RHOBTB1: variants seen among roughly 807,000 people sequenced by gnomAD.
RHOBTB1 encodes Rho related BTB domain containing 1, also known as rho-related BTB domain-containing protein 1.
Under a neutral mutation model 71.6 loss-of-function variants are expected in RHOBTB1, and 40 were observed. That is an observed-to-expected ratio of 0.56 (90% CI 0.43 to 0.73). The LOEUF is 0.73. Among genes scored for constraint, RHOBTB1 ranks in the 30% least tolerant of loss-of-function variants. RHOBTB1 has a pLI of 0.00. For missense variants in RHOBTB1, 797 were observed against 894.0 expected (o/e 0.89, Z 1.38); for synonymous variants, 319 against 334.9 (o/e 0.95, Z 0.52).
rs375183313 is a variant in RHOBTB1, at chr10:60,872,322, C to T, written c.1816-32G>A. Reference sequence around the variant, plus strand: ...AAAAGTGAGCAAAAGGAGGGTAAGACTATTTTCTAAAGAGGGGCTACAAAG... The same window carrying T: ...AAAAGTGAGCAAAAGGAGGGTAAGATTATTTTCTAAAGAGGGGCTACAAAG... On this transcript the variant is annotated intron_variant, in intron 9 of 10. Coordinates refer to ENST00000337910, the MANE Select transcript of RHOBTB1 (RefSeq NM_014836.5). 258 of 1,511,450 alleles carry T rather than the reference C, an allele frequency of 1.7e-4. No homozygotes were observed. In the African/African-American group the frequency reaches 3.3e-3, roughly 19 times the overall value. The allele number at this position is 1,511,450 out of a possible 1,614,324, so 93.6% of individuals were successfully genotyped here.
intron 1 of RHOBTB1, among the ~76,000 whole-genome samples, chr10:61,001,053 TG>T: frequency 6.6e-6 from 1 of 151,692 alleles, no homozygotes; most frequent in East Asian, 2.0e-4. Flanking sequence ...AGTGTGTGTG[TG>T]TGTGTGAGTG....
At chr10:60,907,080 T>C (rs375528564) in intron 4 of RHOBTB1, among the ~76,000 whole-genome samples, 21 of 152,258 alleles carry the variant, frequency 1.4e-4, no homozygotes, top group Admixed American at 3.9e-4. Context: ...CCTGCCACCA[T>C]GTAAGATGTG....
At chr10:60,862,033 C>T in the RHOBTB1 span, among the ~76,000 whole-genome samples, 1 of 152,076 alleles carries the variant, frequency 6.6e-6, no homozygotes, top group South Asian at 2.1e-4. Context: ...TCGGGTTCTA[C>T]ATGGGCTCTA....
intron 7 of RHOBTB1, among the ~76,000 whole-genome samples, chr10:60,883,653 G>C (rs1564785428): frequency 6.6e-6 from 1 of 152,172 alleles, no homozygotes; most frequent in Non-Finnish European, 1.5e-5. Context: ...TTACAAATTG[G>C]TGGCTACCCT....
intron 2 of RHOBTB1, among the ~76,000 whole-genome samples, chr10:60,968,744 T>C (rs1424415667): frequency 6.6e-5 from 10 of 152,132 alleles, no homozygotes; most frequent in African/African-American, 2.2e-4. Context: ...TAGACAAACA[T>C]CATTTCCTTT....
In RHOBTB1 at chr10:60,984,545, C is replaced by G. The variant is rs76099320; in HGVS notation, c.-62+1300G>C. 1.0e-2 allele frequency among the ~76,000 whole-genome samples: 1,521 copies of G among 152,126 alleles called. 32 individuals are homozygous for G. Among genetic ancestry groups the G allele is most frequent in the African/African-American group, 0.035 (1,456 of 41,518 alleles). On this transcript the variant is annotated intron_variant, in intron 2 of 11. Transcript: ENST00000357917. ...CAAATAGATTTAATTAACTGAAAACCCATAAGACAGAACTTCTTCAAATAA... is the reference window on the plus strand; with the variant it reads ...CAAATAGATTTAATTAACTGAAAACGCATAAGACAGAACTTCTTCAAATAA...
At chr10:60,879,803 A>AAC (rs778847569) in intron 7 of RHOBTB1, among the ~76,000 whole-genome samples, 2 of 151,554 alleles carry the variant, frequency 1.3e-5, no homozygotes, top group Non-Finnish European at 2.9e-5. Context: ...CTTGCACACA[A>AAC]ACACACACAC....
chr10:60,878,861 T>A (rs1230132166), intron 7 of RHOBTB1, among the ~76,000 whole-genome samples: 1 of 152,254 alleles, frequency 6.6e-6, no homozygotes, highest in Non-Finnish European at 1.5e-5. Context: ...AGATGTACAC[T>A]GCGTAGCAGC....
intron 1 of RHOBTB1, among the ~76,000 whole-genome samples, chr10:60,999,094 A>C (rs1275756230): frequency 6.6e-6 from 1 of 152,190 alleles, no homozygotes; most frequent in Non-Finnish European, 1.5e-5. Flanking sequence ...TTTTTCACCT[A>C]GTGCACTTTC....
chr10:60,872,066 T>C (rs2080816858), intron 10 of RHOBTB1, 119 bp downstream of exon 10: 1 of 779,336 alleles, frequency 1.3e-6, no homozygotes, highest in Non-Finnish European at 2.3e-6. Flanking sequence ...CACCAGCCAG[T>C]CTCGAGGAAT....
At chr10:60,925,817 G>A (rs1224159507) in intron 2 of RHOBTB1, among the ~76,000 whole-genome samples, 1 of 152,080 alleles carries the variant, frequency 6.6e-6, no homozygotes, top group African/African-American at 2.4e-5. Flanking sequence ...AGAAGAAATG[G>A]ACAAATTCCT....
chr10:60,936,594 G>A (rs947886789), intron 2 of RHOBTB1, among the ~76,000 whole-genome samples: 3 of 152,144 alleles, frequency 2.0e-5, no homozygotes, highest in African/African-American at 4.8e-5. Context: ...GAATTTCAGC[G>A]TAAGATATAG....
chr10:60,872,139 G>A lies in RHOBTB1; in HGVS notation c.1921+46C>T, dbSNP rs200598368. 6.0e-4 allele frequency: 815 copies of A among 1,355,278 alleles called. 5 individuals are homozygous for A. Among genetic ancestry groups the A allele is most frequent in the Non-Finnish European group, 8.4e-5 (79 of 944,002 alleles). 84.0% of individuals were successfully genotyped at this position (1,355,278 alleles called of 1,614,324 possible). ...GGACATAGAAGATAAAAGCTTCCATGAGAGGTGAGGAGAGCTGGATGAATG... is the reference window on the plus strand; with the variant it reads ...GGACATAGAAGATAAAAGCTTCCATAAGAGGTGAGGAGAGCTGGATGAATG... On this transcript the variant is annotated intron_variant, in intron 10 of 10. Coordinates refer to ENST00000337910, the MANE Select transcript of RHOBTB1 (RefSeq NM_014836.5).
chr10:60,967,034 A>G (rs1225374089), intron 2 of RHOBTB1, among the ~76,000 whole-genome samples: 1 of 151,996 alleles, frequency 6.6e-6, no homozygotes, highest in East Asian at 1.9e-4. Context: ...TGCTTTTGGG[A>G]AAAATAAAGC....
chr10:60,888,950 G>A lies in RHOBTB1; in HGVS notation c.718C>T (p.Pro240Ser). Residue 240 changes from proline (P) to serine (S), a missense_variant, in exon 6 of 11, where the codon CCA becomes TCA. Pro to Ser is a moderately conservative substitution (Grantham distance 74, BLOSUM62 -1). This residue lies in a region of RHOBTB1 where 658 missense variants were observed against 681.5 expected (regional missense o/e 0.97). Transcript: ENST00000337910. ...CACTCTGGAATTTTGATGACCGGTG[G>A]AGGGGCTTTTGGAGGTAGGAAGGGT... is the stretch of plus-strand genomic sequence containing the variant. ...QAPFLPPKAPPPVIKIPECPS... is the reference protein window; with the variant it reads ...QAPFLPPKAPSPVIKIPECPS... The A allele has an allele frequency of 6.2e-7, 1 of 1,614,176 alleles. No homozygotes were observed. The highest frequency in any genetic ancestry group is 8.5e-7 in the Non-Finnish European group (1 of 1,180,018).
At chr10:60,866,187 G>A (rs140357435), downstream of RHOBTB1, among the ~76,000 whole-genome samples, 4 of 152,236 alleles carry the variant, frequency 2.6e-5, no homozygotes, top group East Asian at 1.9e-4. Context: ...TCACTGTAGC[G>A]CCAAGGAATG....
In RHOBTB1 at chr10:60,953,467, A is replaced by G. The variant is rs551741128; in HGVS notation, c.-61-11613T>C. On this transcript the variant is annotated intron_variant, in intron 2 of 11. Coordinates refer to the RHOBTB1 transcript ENST00000357917. The stretch of plus-strand genomic sequence containing the variant: ...AATGAGACACTCCTAGGAAACAAAA[A>G]GTAGTACCTAAGCGACTTTTGTCTT... Among the ~76,000 whole-genome samples the G allele has an allele frequency of 9.8e-5, 15 of 152,358 alleles. 1 individual carries two copies. The South Asian group carries it at 2.7e-3, about 27-fold the overall frequency.
downstream of RHOBTB1, among the ~76,000 whole-genome samples, chr10:60,868,484 C>T (rs2080653024): frequency 6.6e-6 from 1 of 152,178 alleles, no homozygotes. Context: ...ATTTCTTCTG[C>T]CTAGCCAATG....
At chr10:60,941,456 C>T (rs1243421521) in intron 2 of RHOBTB1, among the ~76,000 whole-genome samples, 3 of 152,008 alleles carry the variant, frequency 2.0e-5, no homozygotes, top group Admixed American at 6.6e-5. Context: ...AAGTTTCTTC[C>T]AGCCCCAGAG....
Sources: gnomAD v4.1 joint callset for allele counts (sites outside exome capture counted in the v4.1 genomes callset) on GRCh38, gnomAD v4.1.1 for gene constraint, gnomAD v4.1.1 regional missense constraint, MANE v1.5 for transcripts, NCBI Gene and HGNC (gene_info 2026-07-23, HGNC 2026-07-21) for gene names.